The following SAMD13 variants were observed in gnomAD, a reference collection of about 807,000 sequenced individuals.
SAMD13 encodes sterile alpha motif domain containing 13, also known as sterile alpha motif domain-containing protein 13.
Under a neutral mutation model 12.4 loss-of-function variants are expected in SAMD13, and 9 were observed. That is an observed-to-expected ratio of 0.72 (90% CI 0.44 to 1.26). The LOEUF (loss-of-function observed/expected upper bound fraction) is 1.26. Ranked by LOEUF, SAMD13 falls within the 50% of genes most tolerant of loss-of-function variation. The pLI, the probability that SAMD13 is intolerant of heterozygous loss-of-function variation, is 0.00. For missense variants in SAMD13, 84 were observed against 119.6 expected, an observed-to-expected ratio of 0.70 and a Z score of 1.39; for synonymous variants, 46 against 45.4, an observed-to-expected ratio of 1.01 and a Z score of -0.05.
intron 3 of SAMD13, chr1:84,344,797 G>A (rs1349136607): frequency 4.8e-6 from 2 of 418,470 alleles, no homozygotes; most frequent in African/African-American, 4.1e-5. Context: ...GGAACAAAGA[G>A]GCATCTGAGG....
intron 1 of SAMD13, chr1:84,302,771 CA>C (rs934813098): frequency 1.9e-3 from 1,135 of 586,100 alleles, no homozygotes; most frequent in Non-Finnish European, 2.1e-3. Flanking sequence ...GGGGAGTGGA[CA>C]AAAAAAAAAC....
At chr1:84,345,086 A>G (rs538914309) in intron 3 of SAMD13, 25 of 456,524 alleles carry the variant, frequency 5.5e-5, no homozygotes, top group Non-Finnish European at 9.7e-5. Context: ...TGGGCTCCAG[A>G]GCAAGTACCT....
At chr1:84,347,017 G>A (rs1471032419) in intron 3 of SAMD13, among the ~76,000 whole-genome samples, 1 of 152,136 alleles carries the variant, frequency 6.6e-6, no homozygotes, top group Non-Finnish European at 1.5e-5. Context: ...TGTGTGCGGT[G>A]CTTTGCATCC....
chr1:84,300,838 T>C (rs78954445), upstream of SAMD13, among the ~76,000 whole-genome samples: 5 of 152,312 alleles, frequency 3.3e-5, no homozygotes, highest in East Asian at 7.7e-4. Context: ...TTTAGGATGA[T>C]GGCGGGAGAG....
chr1:84,333,273 G>A (rs1679229040), intron 3 of SAMD13, among the ~76,000 whole-genome samples: 1 of 152,106 alleles, frequency 6.6e-6, no homozygotes, highest in African/African-American at 2.4e-5. Flanking sequence ...TATAGAAATA[G>A]CATTGAATCT....
intron 2 of SAMD13, among the ~76,000 whole-genome samples, chr1:84,321,954 G>A (rs925828149): frequency 3.3e-5 from 5 of 152,204 alleles, no homozygotes; most frequent in Admixed American, 2.0e-4. Flanking sequence ...GTTTATGCCC[G>A]TGGAGACGTG....
intron 2 of SAMD13, among the ~76,000 whole-genome samples, chr1:84,305,442 G>A (rs1678548556): frequency 1.3e-5 from 2 of 151,940 alleles, no homozygotes; most frequent in Admixed American, 6.6e-5. Context: ...CTTTAAGTGT[G>A]TGACCTATCA....
intron 3 of SAMD13, among the ~76,000 whole-genome samples, chr1:84,343,367 G>T (rs1679468182): frequency 6.6e-6 from 1 of 152,166 alleles, no homozygotes; most frequent in African/African-American, 2.4e-5. Flanking sequence ...TATACCCAAA[G>T]GAATATAAAT....
chr1:84,328,958 G>A (rs1679118086), intron 3 of SAMD13, among the ~76,000 whole-genome samples: 1 of 152,156 alleles, frequency 6.6e-6, no homozygotes, highest in African/African-American at 2.4e-5. Flanking sequence ...CAGCACGGTT[G>A]CCAGTGATGT....
At chr1:84,346,867 C>A (rs1284319062) in intron 3 of SAMD13, among the ~76,000 whole-genome samples, 2 of 152,162 alleles carry the variant, frequency 1.3e-5, no homozygotes, top group Admixed American at 1.3e-4. Context: ...TAGGAACATG[C>A]CTACATCTTC....
chr1:84,302,359 A>C (rs1350990288), intron 1 of SAMD13, among the ~76,000 whole-genome samples: 8 of 146,082 alleles, frequency 5.5e-5, no homozygotes, highest in African/African-American at 2.0e-4. Context: ...TTTTTTTCTT[A>C]AAGCAGTTTT....
chr1:84,339,497 G>A (rs977396183), intron 3 of SAMD13, among the ~76,000 whole-genome samples: 1 of 152,076 alleles, frequency 6.6e-6, no homozygotes, highest in Non-Finnish European at 1.5e-5. Flanking sequence ...ACTCTAGGGG[G>A]TTGGTACCGG....
At chr1:84,327,645 GGTATAAAAACAGAA>G (rs140796352) in intron 3 of SAMD13, among the ~76,000 whole-genome samples, 1,776 of 152,120 alleles carry the variant, frequency 0.012, 18 homozygotes, top group Middle Eastern at 0.027. Context: ...CCTAAACAGT[GGTATAAAAACAGAA>G]GTGTTTAGGG....
intron 3 of SAMD13, chr1:84,345,163 G>T: frequency 2.2e-6 from 1 of 456,478 alleles, no homozygotes; most frequent in Middle Eastern, 3.3e-4. Context: ...GTCACCATTT[G>T]TAGCCAGACA....
At chr1:84,337,753 T>G (rs533740092) in intron 3 of SAMD13, among the ~76,000 whole-genome samples, 22 of 152,356 alleles carry the variant, frequency 1.4e-4, no homozygotes, top group Middle Eastern at 3.4e-3. Context: ...GATTTTCATT[T>G]CTATCACATT....
At chr1:84,342,739 A>G (rs1013191110) in intron 3 of SAMD13, among the ~76,000 whole-genome samples, 1 of 152,240 alleles carries the variant, frequency 6.6e-6, no homozygotes, top group Admixed American at 6.5e-5. Context: ...GTAAAACCCC[A>G]AACTATAAAA....
At chr1:84,341,749 G>A (rs981031357) in intron 3 of SAMD13, among the ~76,000 whole-genome samples, 14 of 152,092 alleles carry the variant, frequency 9.2e-5, no homozygotes, top group Non-Finnish European at 1.6e-4. Flanking sequence ...AATGAGGAGT[G>A]AGAGACAGAT....
chr1:84,313,666 G>A (rs995555654), intron 2 of SAMD13, among the ~76,000 whole-genome samples: 1 of 152,068 alleles, frequency 6.6e-6, no homozygotes, highest in Non-Finnish European at 1.5e-5. Flanking sequence ...CCCCTCAGTG[G>A]AGAACTACTG....
upstream of SAMD13, chr1:84,298,639 A>G (rs932436095): frequency 1.5e-5 from 19 of 1,239,402 alleles, no homozygotes; most frequent in African/African-American, 3.1e-5. Context: ...ATGAAAGGAA[A>G]CGAAGAATGC....
Sources: allele counts gnomAD v4.1 joint callset (sites outside exome capture counted in the v4.1 genomes callset), GRCh38; gene constraint gnomAD v4.1.1; transcripts MANE v1.5; gene names NCBI Gene and HGNC (gene_info 2026-07-23, HGNC 2026-07-21).